Variants in LGR4 observed in about 807,000 individuals in gnomAD.
LGR4 encodes leucine rich repeat containing G protein-coupled receptor 4, also known as leucine-rich repeat-containing G protein-coupled receptor 4.
LGR4 carries 44 observed loss-of-function variants against 84.8 expected under a neutral mutation model. That is an observed-to-expected ratio of 0.52 (90% confidence interval 0.41 to 0.67). LGR4 has a LOEUF of 0.67. Among genes scored for constraint, LGR4 ranks in the 30% least tolerant of loss-of-function variants. LGR4 has a pLI of 0.00. For missense variants in LGR4, 1,032 were observed against 1,131.4 expected, an observed-to-expected ratio of 0.91 and a Z score of 1.26; for synonymous variants, 429 against 434.3, an observed-to-expected ratio of 0.99 and a Z score of 0.15.
chr11:27,434,651 T>C (rs899081284), intron 1 of LGR4, among the ~76,000 whole-genome samples: 18 of 152,196 alleles, frequency 1.2e-4, no homozygotes, highest in Admixed American at 9.8e-4. Flanking sequence ...TCAAGGACAC[T>C]AGAGAAGAGC....
chr11:27,390,556 G>C (rs2050674998), intron 4 of LGR4, among the ~76,000 whole-genome samples: 2 of 152,132 alleles, frequency 1.3e-5, no homozygotes, highest in Admixed American at 1.3e-4. Flanking sequence ...CTATGCCCCA[G>C]AGTCCCATTG....
intron 16 of LGR4, 83 bp from the exon 17 acceptor site, chr11:27,371,781 A>G (rs1268330192): frequency 9.4e-6 from 9 of 960,976 alleles, no homozygotes; most frequent in South Asian, 7.5e-5. Flanking sequence ...TTCTCTGTAT[A>G]TAAGTGTGAG....
In LGR4 at chr11:27,455,252, C is replaced by T. The variant is rs527582298; in HGVS notation, c.185+16866G>A. Among the ~76,000 whole-genome samples the T allele has an allele frequency of 2.9e-3, 448 of 152,188 alleles. 3 individuals are homozygous for T. Among genetic ancestry groups the T allele is most frequent in the African/African-American group, 0.01 (433 of 41,506 alleles). Reference sequence around the variant, plus strand: ...GTTTCATTTTTAACATACCCTGGAGCACTATAAATGATTCTGGTCAAGTCA... The same window carrying T: ...GTTTCATTTTTAACATACCCTGGAGTACTATAAATGATTCTGGTCAAGTCA... On this transcript the variant is annotated intron_variant, in intron 1 of 17. Coordinates refer to ENST00000379214, the MANE Select transcript of LGR4 (RefSeq NM_018490.5).
At chr11:27,440,385 G>A (rs1466773054) in intron 1 of LGR4, among the ~76,000 whole-genome samples, 2 of 152,104 alleles carry the variant, frequency 1.3e-5, no homozygotes, top group Non-Finnish European at 2.9e-5. Context: ...ATGTCATCTC[G>A]AGTTTTCTAT....
At chr11:27,448,633 GA>G (rs1864433359) in intron 1 of LGR4, among the ~76,000 whole-genome samples, 1 of 152,128 alleles carries the variant, frequency 6.6e-6, no homozygotes, top group East Asian at 1.9e-4. Flanking sequence ...GAAACAAAAT[GA>G]TTTTGCTGTA....
chr11:27,401,585 C>A (rs1379758399), intron 2 of LGR4, among the ~76,000 whole-genome samples: 2 of 152,096 alleles, frequency 1.3e-5, no homozygotes, highest in Admixed American at 6.6e-5. Flanking sequence ...GGCTAAGTAC[C>A]CTAAGCATGG....
chr11:27,461,327 A>C (rs1864675467), intron 1 of LGR4, among the ~76,000 whole-genome samples: 1 of 151,710 alleles, frequency 6.6e-6, no homozygotes, highest in African/African-American at 2.4e-5. Context: ...ACAAAATGAG[A>C]TCCTATCTCC....
intron 1 of LGR4, among the ~76,000 whole-genome samples, chr11:27,450,918 C>A (rs113534667): frequency 4.6e-5 from 7 of 152,252 alleles, no homozygotes; most frequent in African/African-American, 1.4e-4. Flanking sequence ...TCAATTTCTC[C>A]AACAAGTCTG....
intron 2 of LGR4, among the ~76,000 whole-genome samples, chr11:27,402,540 GA>G (rs1863523542): frequency 6.6e-6 from 1 of 152,082 alleles, no homozygotes; most frequent in African/African-American, 2.4e-5. Flanking sequence ...ACTTTTAATT[GA>G]GTTTTGTCAC....
chr11:27,385,497 G>T, intron 4 of LGR4, 29 bp from the exon 5 acceptor site: 1 of 1,462,710 alleles, frequency 6.8e-7, no homozygotes, highest in Non-Finnish European at 9.4e-7. Context: ...ACCATGTTCA[G>T]TAACAAATTC....
At chr11:27,424,404 T>G (rs1590382671) in intron 1 of LGR4, among the ~76,000 whole-genome samples, 1 of 152,004 alleles carries the variant, frequency 6.6e-6, no homozygotes, top group Admixed American at 6.6e-5. Context: ...GAGGCTGAGG[T>G]GGGATGACTG....
chr11:27,459,053 A>G (rs1396876962), intron 1 of LGR4, among the ~76,000 whole-genome samples: 1 of 152,230 alleles, frequency 6.6e-6, no homozygotes, highest in East Asian at 1.9e-4. Context: ...TATAATCAAG[A>G]ACTACAAAAG....
intron 1 of LGR4, among the ~76,000 whole-genome samples, chr11:27,426,946 G>C (rs1864033395): frequency 6.6e-6 from 1 of 152,146 alleles, no homozygotes; most frequent in African/African-American, 2.4e-5. Flanking sequence ...AGACTATGAG[G>C]TTAATGGGTC....
intron 13 of LGR4, among the ~76,000 whole-genome samples, chr11:27,375,320 G>GA (rs1862957731): frequency 6.8e-6 from 1 of 147,922 alleles, no homozygotes; most frequent in Non-Finnish European, 1.5e-5. Flanking sequence ...AAAAGAAAAA[G>GA]AAAAGAAAAA....
intron 1 of LGR4, among the ~76,000 whole-genome samples, chr11:27,448,295 C>CT (rs67906701): frequency 0.41 from 58,814 of 142,594 alleles, 13,815 homozygotes; most frequent in Middle Eastern, 0.55. Flanking sequence ...TTTTTCTTTT[C>CT]TTTTTTTTTT....
At chr11:27,427,307 G>C (rs983531672) in intron 1 of LGR4, among the ~76,000 whole-genome samples, 1 of 152,178 alleles carries the variant, frequency 6.6e-6, no homozygotes, top group African/African-American at 2.4e-5. Flanking sequence ...AAGAGCAGCT[G>C]TATGCAAGTA....
At position 27,409,915 on chromosome 11, in the gene LGR4, C is replaced by A. The variant is rs149702179; in HGVS notation, c.257+2874G>T. 1.4e-4 allele frequency among the ~76,000 whole-genome samples: 22 copies of A among 152,236 alleles called. No homozygotes were observed. In the East Asian group the frequency reaches 3.9e-3, roughly 27 times the overall value. On this transcript the variant is annotated intron_variant, in intron 2 of 17. Transcript: ENST00000379214. Reference sequence around the variant, plus strand: ...TTTAGGCCTTTCCTCCCTGCACACACGTCTTCACTATGATGCAACAAGTGT... The same window carrying A: ...TTTAGGCCTTTCCTCCCTGCACACAAGTCTTCACTATGATGCAACAAGTGT...
chr11:27,381,376 T>C (rs1310454298), intron 7 of LGR4, among the ~76,000 whole-genome samples: 13 of 152,172 alleles, frequency 8.5e-5, no homozygotes, highest in Admixed American at 5.9e-4. Flanking sequence ...TCACTAACTC[T>C]ACCCATGACA....
chr11:27,472,015 C>G (rs1864882929), intron 1 of LGR4, 103 bp downstream of exon 1: 5 of 831,592 alleles, frequency 6.0e-6, no homozygotes, highest in Non-Finnish European at 6.3e-6. Flanking sequence ...CGGGCGGCGG[C>G]GGGGCGGGGT....
Sources: allele counts gnomAD v4.1 joint callset (sites outside exome capture counted in the v4.1 genomes callset), GRCh38; gene constraint gnomAD v4.1.1; transcripts MANE v1.5; gene names NCBI Gene and HGNC (gene_info 2026-07-23, HGNC 2026-07-21).